The following TRPM3 variants were observed in gnomAD, a reference collection of about 807,000 sequenced individuals.
TRPM3 encodes transient receptor potential cation channel subfamily M member 3.
A neutral mutation model predicts 181.2 loss-of-function variants in TRPM3; 77 were observed. The observed-to-expected ratio is 0.42, with a 90% CI of 0.35 to 0.51. The LOEUF is 0.51. Among genes scored for constraint, TRPM3 ranks in the 20% least tolerant of loss-of-function variants. The pLI is 0.01. For missense variants in TRPM3, 1,759 were observed against 2,196.7 expected, an observed-to-expected ratio of 0.80 and a Z score of 3.98; for synonymous variants, 745 against 796.4, an observed-to-expected ratio of 0.94 and a Z score of 1.09.
intron 1 of TRPM3, among the ~76,000 whole-genome samples, chr9:71,230,533 A>T (rs1217909520): frequency 1.3e-5 from 2 of 152,178 alleles, no homozygotes; most frequent in Non-Finnish European, 1.5e-5. Flanking sequence ...ACCCTGATGT[A>T]ATTTTATACA....
intron 1 of TRPM3, among the ~76,000 whole-genome samples, chr9:71,437,720 T>C (rs1399031492): frequency 6.6e-6 from 1 of 151,668 alleles, no homozygotes; most frequent in East Asian, 1.9e-4. Context: ...ATACAAAAAT[T>C]AGCCGGGAGT....
chr9:71,076,783 G>GT (rs1166911929), intron 1 of TRPM3, among the ~76,000 whole-genome samples: 1 of 152,146 alleles, frequency 6.6e-6, no homozygotes, highest in East Asian at 1.9e-4. Context: ...AATGTGAATT[G>GT]TATCTGTGGC....
chr9:70,990,924 G>A (rs183528821), intron 1 of TRPM3, among the ~76,000 whole-genome samples: 138 of 152,210 alleles, frequency 9.1e-4, no homozygotes, highest in African/African-American at 3.2e-3. Flanking sequence ...AATAAAGAGG[G>A]TACCTATTTA....
rs574869290 is a variant in TRPM3, at chr9:71,249,234, T to C, written c.183+197419A>G. ...CAAAACAAATAAGTTAATGAGAATA[T>C]AACTAAATTCAGAAGAAAAATTACT... On this transcript the variant is annotated intron_variant, in intron 1 of 24. Transcript: ENST00000357533. Among the ~76,000 whole-genome samples, 6 of 152,272 alleles carry C rather than the reference T, an allele frequency of 3.9e-5. 1 individual carries two copies. In the South Asian group the frequency reaches 1.0e-3, roughly 26 times the overall value.
At chr9:70,572,229 A>C (rs2052635304) in intron 22 of TRPM3, among the ~76,000 whole-genome samples, 1 of 152,184 alleles carries the variant, frequency 6.6e-6, no homozygotes, top group Admixed American at 6.6e-5. Flanking sequence ...TTTTGTCAAA[A>C]ACAGACTTTT....
chr9:70,784,424 G>A, intron 6 of TRPM3, 145 bp from the exon 7 acceptor site: 1 of 902,404 alleles, frequency 1.1e-6, no homozygotes, highest in Non-Finnish European at 1.6e-6. Flanking sequence ...ATATGGTACT[G>A]AGCAAAAATT....
At chr9:71,343,838 A>G (rs962908324) in intron 1 of TRPM3, among the ~76,000 whole-genome samples, 7 of 152,114 alleles carry the variant, frequency 4.6e-5, no homozygotes, top group Non-Finnish European at 7.4e-5. Context: ...AGCCTGGGTC[A>G]TCTTATTAAA....
At chr9:71,167,117 C>T (rs1413477121) in intron 1 of TRPM3, among the ~76,000 whole-genome samples, 3 of 152,012 alleles carry the variant, frequency 2.0e-5, no homozygotes, top group African/African-American at 7.3e-5. Context: ...ACCAATATTT[C>T]GAAAATGTGA....
intron 25 of TRPM3, among the ~76,000 whole-genome samples, chr9:70,548,631 T>C (rs1283239319): frequency 1.3e-5 from 2 of 152,232 alleles, no homozygotes; most frequent in Admixed American, 6.5e-5. Context: ...ATCTTTCTAT[T>C]GCAAATGCTT....
rs145764406 is a variant in TRPM3, at chr9:71,306,858, C to T, written c.183+139795G>A. Among the ~76,000 whole-genome samples the T allele has an allele frequency of 4.5e-3, 688 of 151,594 alleles. 9 individuals carry two copies. Among genetic ancestry groups the T allele is most frequent in the African/African-American group, 0.016 (656 of 41,520 alleles). On this transcript the variant is annotated intron_variant, in intron 1 of 24. Transcript: ENST00000357533. ...ACTGCACTCCAGCCTGGTGACAGAGCGAGACTCCGTCTCAACAACAACAAC... is the reference window on the plus strand; with the variant it reads ...ACTGCACTCCAGCCTGGTGACAGAGTGAGACTCCGTCTCAACAACAACAAC...
At chr9:70,607,471 T>TCTGATGGGTTTGCTGAGGCCAATCCAGTC (rs1404814689) in intron 19 of TRPM3, among the ~76,000 whole-genome samples, 1 of 152,166 alleles carries the variant, frequency 6.6e-6, no homozygotes, top group Non-Finnish European at 1.5e-5. Context: ...GGGGATCCAG[T>TCTGATGGGTTTGCTGAGGCCAATCCAGTC]CTGATGGGTT....
chr9:70,606,651 G>GTGTGTGTATATATATATA (rs145779027), intron 19 of TRPM3, among the ~76,000 whole-genome samples: 97 of 140,724 alleles, frequency 6.9e-4, no homozygotes, highest in Admixed American at 1.9e-3. Context: ...GTGTGTGTGT[G>GTGTGTGTATATATATATA]TATATATATA....
intron 1 of TRPM3, among the ~76,000 whole-genome samples, chr9:70,898,620 T>C (rs2096327312): frequency 2.0e-5 from 3 of 149,458 alleles, no homozygotes; most frequent in African/African-American, 4.9e-5. Context: ...TGTTTGTGCG[T>C]GCCTGTAGTC....
intron 1 of TRPM3, among the ~76,000 whole-genome samples, chr9:71,225,137 C>A (rs1285662676): frequency 2.0e-5 from 3 of 151,968 alleles, no homozygotes. Context: ...GAACACTAAG[C>A]AGATTTAACC....
chr9:71,427,214 T>C (rs910320996), intron 1 of TRPM3, among the ~76,000 whole-genome samples: 1 of 152,124 alleles, frequency 6.6e-6, no homozygotes, highest in Non-Finnish European at 1.5e-5. Flanking sequence ...GATACACATC[T>C]CTCCTTAAAC....
intron 1 of TRPM3, among the ~76,000 whole-genome samples, chr9:71,420,719 GAAAGAGAGAGAGAGAGAA>G (rs2093723765): frequency 7.8e-6 from 1 of 128,938 alleles, no homozygotes; most frequent in Non-Finnish European, 1.7e-5. Context: ...AAGAAAGAGA[GAAAGAGAGAGAGAGAGAA>G]AGAGAGAGAA....
intron 1 of TRPM3, among the ~76,000 whole-genome samples, chr9:71,398,858 A>G (rs1171949325): frequency 6.6e-6 from 1 of 152,224 alleles, no homozygotes; most frequent in African/African-American, 2.4e-5. Context: ...ATCGATAAGT[A>G]ACAATACAGT....
intron 8 of TRPM3, among the ~76,000 whole-genome samples, chr9:70,753,265 A>C (rs960819061): frequency 3.9e-5 from 6 of 152,194 alleles, no homozygotes; most frequent in African/African-American, 4.8e-5. Context: ...GTGAAAAAAC[A>C]AGCCCCAAAC....
At chr9:71,298,209 A>G (rs1275561951) in intron 1 of TRPM3, among the ~76,000 whole-genome samples, 1 of 152,158 alleles carries the variant, frequency 6.6e-6, no homozygotes, top group East Asian at 1.9e-4. Flanking sequence ...AGAATATAAG[A>G]TATATTCGAC....
Sources: gnomAD v4.1 joint callset for allele counts (sites outside exome capture counted in the v4.1 genomes callset) on GRCh38, gnomAD v4.1.1 for gene constraint, MANE v1.5 for transcripts, NCBI Gene and HGNC (gene_info 2026-07-23, HGNC 2026-07-21) for gene names.